The following NKAIN3 variants were observed in gnomAD, a reference collection of about 807,000 sequenced individuals.
The protein encoded by NKAIN3 is sodium/potassium transporting ATPase interacting 3.
NKAIN3 carries 25 observed loss-of-function variants against 30.2 expected under a neutral mutation model. That is an observed-to-expected ratio of 0.83 (90% CI 0.60 to 1.16). The LOEUF (loss-of-function observed/expected upper bound fraction) is 1.16. NKAIN3 is among the 50% of genes most tolerant of loss of function. The pLI, the probability that NKAIN3 is intolerant of heterozygous loss-of-function variation, is 0.00. For missense variants in NKAIN3, 225 were observed against 254.1 expected (o/e 0.89, Z 0.78); for synonymous variants, 91 against 89.6 (o/e 1.02, Z -0.09).
intron 1 of NKAIN3, among the ~76,000 whole-genome samples, chr8:62,388,634 G>A (rs902641435): frequency 1.3e-5 from 2 of 152,176 alleles, no homozygotes; most frequent in African/African-American, 4.8e-5. Flanking sequence ...AAACGACCAT[G>A]TTTAAATGGT....
chr8:62,597,786 A>T (rs1810877488), intron 3 of NKAIN3, among the ~76,000 whole-genome samples: 1 of 152,016 alleles, frequency 6.6e-6, no homozygotes, highest in Non-Finnish European at 1.5e-5. Context: ...AGTCTTCCCA[A>T]GTCTATGACT....
rs1279185511 is a variant in NKAIN3, at chr8:62,704,024, T to G, written c.274-42908T>G. On this transcript the variant is annotated intron_variant, in intron 3 of 6. Transcript: ENST00000623646. Reference sequence around the variant, plus strand: ...CCACTGTGCTGGTTACTCCATAGACTCTTTCAATATGTCAACTTACGATAA... The same window carrying G: ...CCACTGTGCTGGTTACTCCATAGACGCTTTCAATATGTCAACTTACGATAA... 2.0e-5 allele frequency among the ~76,000 whole-genome samples: 3 copies of G among 152,182 alleles called. 1 individual carries two copies. Among genetic ancestry groups the G allele is most frequent in the Non-Finnish European group, 4.4e-5 (3 of 68,034 alleles).
At chr8:62,768,455 A>G (rs535310170) in intron 4 of NKAIN3, among the ~76,000 whole-genome samples, 2 of 152,290 alleles carry the variant, frequency 1.3e-5, no homozygotes, top group African/African-American at 4.8e-5. Context: ...AGCTACAGAC[A>G]AAGTAGAGAC....
At chr8:62,778,450 G>A (rs550701055) in intron 4 of NKAIN3, among the ~76,000 whole-genome samples, 21 of 152,106 alleles carry the variant, frequency 1.4e-4, no homozygotes, top group South Asian at 1.0e-3. Flanking sequence ...TCCCCTTTCC[G>A]CAAGCAGAGG....
intron 6 of NKAIN3, among the ~76,000 whole-genome samples, chr8:62,957,018 T>A (rs1267849159): frequency 1.3e-5 from 2 of 152,238 alleles, no homozygotes; most frequent in Non-Finnish European, 1.5e-5. Flanking sequence ...CTTTGGCAGT[T>A]TCTTACAAAA....
intron 3 of NKAIN3, among the ~76,000 whole-genome samples, chr8:62,622,241 A>G (rs1488061786): frequency 1.3e-5 from 2 of 152,062 alleles, no homozygotes; most frequent in East Asian, 3.9e-4. Flanking sequence ...TGAAACTGCT[A>G]TGAACATTTA....
At chr8:62,814,074 T>C (rs1818585240) in intron 4 of NKAIN3, among the ~76,000 whole-genome samples, 2 of 152,210 alleles carry the variant, frequency 1.3e-5, no homozygotes, top group South Asian at 4.1e-4. Flanking sequence ...AGATTTTTTC[T>C]CTGTCTTTGA....
chr8:62,673,312 A>C (rs1189452378), intron 3 of NKAIN3, among the ~76,000 whole-genome samples: 5 of 152,214 alleles, frequency 3.3e-5, no homozygotes, highest in African/African-American at 9.6e-5. Flanking sequence ...AATTTAGTTT[A>C]TTTTTTCTAT....
chr8:62,834,095 T>C (rs913909937), intron 4 of NKAIN3, among the ~76,000 whole-genome samples: 1 of 152,136 alleles, frequency 6.6e-6, no homozygotes, highest in Non-Finnish European at 1.5e-5. Flanking sequence ...TCTCAATAGA[T>C]GTAGAACAGG....
chr8:62,429,512 G>GATTTGCTTCAGTTTGCTGAGT (rs1367656948), intron 1 of NKAIN3, among the ~76,000 whole-genome samples: 1 of 151,882 alleles, frequency 6.6e-6, no homozygotes, highest in African/African-American at 2.4e-5. Flanking sequence ...GTTTGCTGAG[G>GATTTGCTTCAGTTTGCTGAGT]ATTTTTGCAT....
At chr8:62,493,929 G>A (rs1807152962) in intron 1 of NKAIN3, among the ~76,000 whole-genome samples, 1 of 152,098 alleles carries the variant, frequency 6.6e-6, no homozygotes, top group Admixed American at 6.6e-5. Flanking sequence ...TTTGGGTCGA[G>A]ACTCTAGGGT....
intron 1 of NKAIN3, among the ~76,000 whole-genome samples, chr8:62,369,837 C>T (rs1315137379): frequency 6.6e-6 from 1 of 151,474 alleles, no homozygotes; most frequent in African/African-American, 2.4e-5. Context: ...CTCACTGTTT[C>T]TTTGCCTGCC....
At chr8:62,352,203 G>A (rs1281187819) in intron 1 of NKAIN3, among the ~76,000 whole-genome samples, 3 of 152,158 alleles carry the variant, frequency 2.0e-5, no homozygotes, top group Non-Finnish European at 4.4e-5. Context: ...GGACAGAGGT[G>A]CTGAGACACT....
chr8:62,737,941 G>A (rs964554189), intron 3 of NKAIN3, among the ~76,000 whole-genome samples: 2 of 152,142 alleles, frequency 1.3e-5, no homozygotes, highest in African/African-American at 2.4e-5. Context: ...TTGGTTCCAA[G>A]TCTTTGCTAT....
intron 1 of NKAIN3, among the ~76,000 whole-genome samples, chr8:62,521,831 T>A (rs1158872373): frequency 6.6e-6 from 1 of 152,188 alleles, no homozygotes; most frequent in Admixed American, 6.6e-5. Flanking sequence ...TCTTTTTTCC[T>A]GGATAAGATT....
chr8:62,798,090 C>CAAGGTCACA (rs1229510108), intron 4 of NKAIN3, among the ~76,000 whole-genome samples: 1 of 152,054 alleles, frequency 6.6e-6, no homozygotes, highest in Non-Finnish European at 1.5e-5. Context: ...AAAATGTGCC[C>CAAGGTCACA]AAGGTCACAC....
intron 1 of NKAIN3, chr8:62,483,289 A>G (rs1470647271): frequency 1.3e-5 from 2 of 155,474 alleles, no homozygotes. Flanking sequence ...TCCTTTCTCC[A>G]CAGTCCTGCT....
intron 1 of NKAIN3, among the ~76,000 whole-genome samples, chr8:62,499,461 T>C (rs1197636705): frequency 6.6e-6 from 1 of 152,146 alleles, no homozygotes; most frequent in African/African-American, 2.4e-5. Flanking sequence ...AAACCAACTT[T>C]GCAATACTCA....
intron 4 of NKAIN3, among the ~76,000 whole-genome samples, chr8:62,871,128 C>T (rs1427454090): frequency 6.6e-6 from 1 of 152,056 alleles, no homozygotes; most frequent in Non-Finnish European, 1.5e-5. Flanking sequence ...AGGCTGGGTG[C>T]AGTGGCTCCG....
Sources: allele counts gnomAD v4.1 joint callset (sites outside exome capture counted in the v4.1 genomes callset), GRCh38; gene constraint gnomAD v4.1.1; transcripts MANE v1.5; gene names NCBI Gene and HGNC (gene_info 2026-07-23, HGNC 2026-07-21).